The following MACROD1 variants were observed in gnomAD, a reference collection of about 807,000 sequenced individuals.
MACROD1 encodes mono-ADP ribosylhydrolase 1, also known as ADP-ribose glycohydrolase MACROD1.
In MACROD1, 31 loss-of-function variants were observed where a neutral mutation model predicts 41.4. The observed-to-expected ratio is 0.75, with a 90% CI of 0.56 to 1.01. The LOEUF is 1.01. Among genes scored for constraint, MACROD1 ranks in the 50% least tolerant of loss-of-function variants. The pLI is 0.00. For missense variants in MACROD1, 473 were observed against 460.0 expected (o/e 1.03, Z -0.26); for synonymous variants, 252 against 203.4 (o/e 1.24, Z -2.03).
intron 3 of MACROD1, among the ~76,000 whole-genome samples, chr11:64,051,532 G>T (rs1435826917): frequency 1.3e-5 from 2 of 152,216 alleles, no homozygotes; most frequent in Non-Finnish European, 2.9e-5. Context: ...AGAGCTGTCG[G>T]CCGGGCAGGC....
rs71468654 is a variant in MACROD1, at chr11:64,163,122, A to AAAACAAAC, written c.298+2567_298+2574dup. Among the ~76,000 whole-genome samples, 202 of 145,376 alleles carry AAAACAAAC rather than the reference A, an allele frequency of 1.4e-3. 1 individual carries two copies. The highest frequency in any genetic ancestry group is 4.0e-3 in the South Asian group (18 of 4,518). ...GGCAACAGAATAAGTCTTCATCTAA[A>AAAACAAAC]AAACAAACAAACAAACAAACAAACA... On this transcript the variant is annotated intron_variant, in intron 1 of 10. Coordinates refer to ENST00000255681, the MANE Select transcript of MACROD1 (RefSeq NM_014067.4).
At chr11:64,113,879 G>GAAGGATGT (rs1944912947) in intron 3 of MACROD1, among the ~76,000 whole-genome samples, 1 of 149,184 alleles carries the variant, frequency 6.7e-6, no homozygotes, top group Non-Finnish European at 1.5e-5. Flanking sequence ...TACATGGATG[G>GAAGGATGT]ATGGATGGAT....
intron 3 of MACROD1, among the ~76,000 whole-genome samples, chr11:64,069,939 G>A (rs1481466903): frequency 6.6e-6 from 1 of 152,068 alleles, no homozygotes; most frequent in Non-Finnish European, 1.5e-5. Context: ...CCCTGAGCCC[G>A]ACTCGCGCCC....
At chr11:64,078,152 A>G (rs1189814236) in intron 3 of MACROD1, among the ~76,000 whole-genome samples, 1 of 151,486 alleles carries the variant, frequency 6.6e-6, no homozygotes, top group African/African-American at 2.4e-5. Context: ...CTCAACCTCA[A>G]CCCTCCTTGT....
chr11:64,165,853 G>A lies in MACROD1; in HGVS notation c.142C>T (p.Leu48=), dbSNP rs1305669699. 2.0e-6 allele frequency: 3 copies of A among 1,466,786 alleles called. No homozygotes were observed. Among genetic ancestry groups the A allele is most frequent in the Non-Finnish European group, 2.7e-6 (3 of 1,111,048 alleles). 90.9% of individuals were successfully genotyped at this position (1,466,786 alleles called of 1,614,324 possible). The change falls in exon 1 of 11, where the codon CTG becomes TTG. Residue 48 remains leucine (L), a synonymous_variant. Transcript: ENST00000255681. ...RSSTCGPPAF[L]GVFGRRARTS... is the part of the protein sequence containing the mutation. Reference sequence around the variant, plus strand: ...CGCGCACGGCGGCCGAACACGCCCAGGAACGCCGGGGGACCGCACGTGCTG... The same window carrying A: ...CGCGCACGGCGGCCGAACACGCCCAAGAACGCCGGGGGACCGCACGTGCTG...
intron 3 of MACROD1, chr11:64,081,939 G>GC (rs1443426453): frequency 1.3e-5 from 2 of 152,180 alleles, no homozygotes; most frequent in Non-Finnish European, 2.9e-5. Context: ...CTCGAGTGCC[G>GC]CGTTCTACCT....
At chr11:64,069,275 C>T (rs1944062147) in intron 3 of MACROD1, among the ~76,000 whole-genome samples, 1 of 152,246 alleles carries the variant, frequency 6.6e-6, no homozygotes. Context: ...CAGCTCTGAA[C>T]CGCAGGGGAA....
At chr11:64,088,016 C>A (rs1041934694) in intron 3 of MACROD1, among the ~76,000 whole-genome samples, 6 of 152,176 alleles carry the variant, frequency 3.9e-5, no homozygotes, top group Admixed American at 3.3e-4. Context: ...TGTGGAAACA[C>A]CCCGGTGGTG....
chr11:64,030,097 C>A (rs900146524), intron 3 of MACROD1, among the ~76,000 whole-genome samples: 2 of 152,042 alleles, frequency 1.3e-5, no homozygotes, highest in African/African-American at 4.8e-5. Flanking sequence ...GCCTGCGTTC[C>A]CACCCTCTCT....
intron 3 of MACROD1, among the ~76,000 whole-genome samples, chr11:64,136,822 A>G (rs888233856): frequency 6.6e-6 from 1 of 152,210 alleles, no homozygotes; most frequent in Admixed American, 6.5e-5. Context: ...GGAGATGGGG[A>G]TCTTCCAACC....
intron 3 of MACROD1, among the ~76,000 whole-genome samples, chr11:64,050,463 A>C (rs1943672227): frequency 6.6e-6 from 1 of 151,824 alleles, no homozygotes; most frequent in Non-Finnish European, 1.5e-5. Context: ...CACTGCTTCC[A>C]CTCTGCCCCT....
At position 64,078,061 on chromosome 11, in the gene MACROD1, G is replaced by A. The variant is rs542858360; in HGVS notation, c.518-62780C>T. 3.4e-4 allele frequency among the ~76,000 whole-genome samples: 52 copies of A among 152,304 alleles called. 1 individual carries two copies. Among genetic ancestry groups the A allele is most frequent in the African/African-American group, 1.1e-3 (45 of 41,574 alleles). ...GGGCACAGGGAGGTACAGCAGCTCT[G>A]GGAATGGCCTTCCCTTTCACAGTCA... On this transcript the variant is annotated intron_variant, in intron 3 of 10. Coordinates refer to ENST00000255681, the MANE Select transcript of MACROD1 (RefSeq NM_014067.4).
chr11:64,137,270 G>A (rs564047740), intron 3 of MACROD1, among the ~76,000 whole-genome samples: 235 of 152,308 alleles, frequency 1.5e-3, no homozygotes, highest in African/African-American at 5.4e-3. Context: ...CAAATAGGAG[G>A]GCAGCGGCGG....
At chr11:64,038,882 C>T (rs1943432358) in intron 3 of MACROD1, among the ~76,000 whole-genome samples, 1 of 152,216 alleles carries the variant, frequency 6.6e-6, no homozygotes. Flanking sequence ...AGTGACCCGT[C>T]TTCCTCATCT....
chr11:64,165,568 G>C, intron 1 of MACROD1, 129 bp downstream of exon 1: 1 of 798,528 alleles, frequency 1.3e-6, no homozygotes, highest in Non-Finnish European at 1.8e-6. Context: ...TCCGTTCCAG[G>C]GCAGATGGGG....
Position 64,067,836 on chromosome 11 carries a change from A to G in MACROD1, c.518-52555T>C, listed in dbSNP as rs1944033738. ...CCCCACACTCCTGAAATGGGTGATG[A>G]GGGGGTTGGGGGAGGAGCTGAGCGG... On this transcript the variant is annotated intron_variant, in intron 3 of 10. Coordinates refer to ENST00000255681, the MANE Select transcript of MACROD1 (RefSeq NM_014067.4). This position sits in a 1 kb window ranked among gnomAD's most constrained non-coding sequence, Gnocchi z 4.6. Among the ~76,000 whole-genome samples, 2 of 151,922 alleles carry G rather than the reference A, an allele frequency of 1.3e-5. No homozygotes were observed. Among genetic ancestry groups the G allele is most frequent in the Non-Finnish European group, 2.9e-5 (2 of 67,978 alleles).
chr11:64,085,590 G>A (rs576526939), intron 3 of MACROD1, among the ~76,000 whole-genome samples: 27 of 152,318 alleles, frequency 1.8e-4, no homozygotes, highest in South Asian at 4.1e-4. Context: ...ACCCCAGGCC[G>A]CAGCGTGGGC....
intron 3 of MACROD1, among the ~76,000 whole-genome samples, chr11:64,023,824 G>C (rs933454844): frequency 1.3e-5 from 2 of 152,044 alleles, no homozygotes; most frequent in East Asian, 3.9e-4. Flanking sequence ...TGGTCTAATC[G>C]AGGCATCCCA....
chr11:64,132,552 A>T (rs1325748072), intron 3 of MACROD1, among the ~76,000 whole-genome samples: 1 of 152,158 alleles, frequency 6.6e-6, no homozygotes, highest in Non-Finnish European at 1.5e-5. Flanking sequence ...GGCCCTCCCC[A>T]GTCAGCGGCT....
Sources: allele counts gnomAD v4.1 joint callset (sites outside exome capture counted in the v4.1 genomes callset), GRCh38; gene constraint gnomAD v4.1.1; non-coding constraint Gnocchi (gnomAD v3.1); transcripts MANE v1.5; gene names NCBI Gene and HGNC (gene_info 2026-07-23, HGNC 2026-07-21).